PXMP4: variants seen among roughly 807,000 people sequenced by gnomAD.
PXMP4 encodes the protein 24 kDa peroxisomal intrinsic membrane protein.
A neutral mutation model predicts 21.6 loss-of-function variants in PXMP4; 16 were observed. The observed-to-expected ratio is 0.74, with a 90% CI of 0.50 to 1.13. The LOEUF is 1.13. Ranked by LOEUF, PXMP4 falls within the 50% of genes most tolerant of loss-of-function variation. PXMP4 has a pLI of 0.00. For missense variants in PXMP4, 240 were observed against 277.7 expected (o/e 0.86, Z 0.96); for synonymous variants, 127 against 123.8 (o/e 1.03, Z -0.17).
At chr20:33,708,021 T>A in intron 3 of PXMP4, 52 bp from the exon 4 acceptor site, 1 of 1,547,942 alleles carries the variant, frequency 6.5e-7, no homozygotes, top group Middle Eastern at 1.7e-4. Context: ...GATGTCCCTC[T>A]TTTGTTTTTG....
chr20:33,720,252 C>G lies in PXMP4; in HGVS notation c.-45G>C, dbSNP rs754804587. On this transcript the variant is annotated 5_prime_UTR_variant, in exon 1 of 4. Transcript: ENST00000409299. Reference sequence around the variant, plus strand: ...GTCGGGGTTAGGAACTGTAAGCGCACTGACAGCCGGAGGTTCCAGCTGCGC... The same window carrying G: ...GTCGGGGTTAGGAACTGTAAGCGCAGTGACAGCCGGAGGTTCCAGCTGCGC... 2.6e-6 allele frequency: 4 copies of G among 1,538,478 alleles called. No homozygotes were observed. Among genetic ancestry groups the G allele is most frequent in the South Asian group, 2.3e-5 (2 of 86,126 alleles).
At chr20:33,708,735 G>T (rs113821586) in intron 3 of PXMP4, among the ~76,000 whole-genome samples, 5,035 of 150,046 alleles carry the variant, frequency 0.034, 313 homozygotes, top group African/African-American at 0.12. Flanking sequence ...CTGTCACCCT[G>T]GCTGGAGTGC....
chr20:33,711,236 C>G (rs2747554), intron 2 of PXMP4, among the ~76,000 whole-genome samples: 3 of 152,058 alleles, frequency 2.0e-5, no homozygotes, highest in Admixed American at 1.3e-4. Context: ...TGCTCGCCAC[C>G]CTCAGGGGCT....
At chr20:33,708,877 T>C (rs2018292723) in intron 3 of PXMP4, among the ~76,000 whole-genome samples, 1 of 152,078 alleles carries the variant, frequency 6.6e-6, no homozygotes, top group Admixed American at 6.6e-5. Flanking sequence ...TTAATGGAAA[T>C]GGGATTACCG....
intron 3 of PXMP4, among the ~76,000 whole-genome samples, chr20:33,709,044 G>A (rs1601203049): frequency 6.6e-6 from 1 of 152,202 alleles, no homozygotes; most frequent in African/African-American, 2.4e-5. Flanking sequence ...GGCTCACGCT[G>A]CACTTTGGGA....
chr20:33,711,254 T>A (rs1311698388), intron 2 of PXMP4, among the ~76,000 whole-genome samples: 1 of 152,198 alleles, frequency 6.6e-6, no homozygotes, highest in Admixed American at 6.5e-5. Flanking sequence ...GCTTATGATC[T>A]ACTGGGAGAG....
rs776710565 is a variant in PXMP4 at position 33,707,984 on chromosome 20, T to C, written c.376-15A>G. On this transcript the variant is annotated splice_polypyrimidine_tract_variant and intron_variant, in intron 3 of 3. Coordinates refer to ENST00000409299, the MANE Select transcript of PXMP4 (RefSeq NM_007238.5). Reference sequence around the variant, plus strand: ...TACATGTTGATCTGCAAAGAGGGAATGATGGGAATTACTGGTGATCAATAG... The same window carrying C: ...TACATGTTGATCTGCAAAGAGGGAACGATGGGAATTACTGGTGATCAATAG... The C allele has an allele frequency of 6.2e-7, 1 of 1,606,652 alleles. No homozygotes were observed. Among genetic ancestry groups the C allele is most frequent in the East Asian group, 2.2e-5 (1 of 44,642 alleles).
At chr20:33,716,711 G>C (rs1346365350) in intron 1 of PXMP4, among the ~76,000 whole-genome samples, 2 of 152,154 alleles carry the variant, frequency 1.3e-5, no homozygotes, top group Non-Finnish European at 2.9e-5. Flanking sequence ...ACATGTGCTT[G>C]ATAAATAACT....
intron 3 of PXMP4, among the ~76,000 whole-genome samples, chr20:33,709,786 CTA>C (rs2018302541): frequency 7.2e-6 from 1 of 139,092 alleles, no homozygotes; most frequent in Non-Finnish European, 1.6e-5. Flanking sequence ...ACCCCCACCT[CTA>C]CACTGAACCA....
At chr20:33,718,374 G>C (rs567099135) in intron 1 of PXMP4, among the ~76,000 whole-genome samples, 1 of 151,774 alleles carries the variant, frequency 6.6e-6, no homozygotes, top group Non-Finnish European at 1.5e-5. Context: ...AGCCGGGCGT[G>C]GTGGTGGGTG....
chr20:33,711,096 C>T (rs2018321166), intron 2 of PXMP4, among the ~76,000 whole-genome samples: 1 of 152,154 alleles, frequency 6.6e-6, no homozygotes, highest in African/African-American at 2.4e-5. Flanking sequence ...GTGTCTGGAT[C>T]TGGCTTGTTC....
intron 1 of PXMP4, among the ~76,000 whole-genome samples, chr20:33,719,022 T>C (rs1376697381): frequency 6.6e-6 from 1 of 151,846 alleles, no homozygotes; most frequent in Non-Finnish European, 1.5e-5. Flanking sequence ...CAGCCTCCCA[T>C]GTAGCCGGGA....
In PXMP4 at chr20:33,714,715, G is replaced by C. The variant is rs2018366481; in HGVS notation, c.135C>G (p.Ala45=). 3 of 1,614,024 alleles carry C rather than the reference G, an allele frequency of 1.9e-6. No individual in the cohort carries two copies. Among genetic ancestry groups the C allele is most frequent in the Non-Finnish European group, 2.5e-6 (3 of 1,179,980 alleles). ...GAAAGGTCATGACCAGCGCGTGAGGGGCCCGGATTTTGGCTCCATAGCTGT... is the reference window on the plus strand; with the variant it reads ...GAAAGGTCATGACCAGCGCGTGAGGCGCCCGGATTTTGGCTCCATAGCTGT... ...NGAVYGAKIR[A]PHALVMTFLF... Residue 45 remains alanine, a synonymous_variant, in exon 2 of 4, where the codon GCC becomes GCG. Coordinates refer to ENST00000409299, the MANE Select transcript of PXMP4 (RefSeq NM_007238.5).
In PXMP4 at chr20:33,707,930, T is replaced by G; in HGVS notation, c.415A>C (p.Ser139Arg). 1 of 1,614,040 alleles carries G rather than the reference T, an allele frequency of 6.2e-7. No individual in the cohort carries two copies. The highest frequency in any genetic ancestry group is 1.1e-5 in the South Asian group (1 of 91,080). Residue 139 changes from serine (S) to arginine (R), a missense_variant, in exon 4 of 4, where the codon AGC becomes CGC. Transcript: ENST00000409299. ...TAGCCCTTCTCTACAGCCAGGCGGC[T>G]CAGGGCAAACAGGACGCGTGACAAC... ...YLLSRVLFAL[S>R]RLAVEKGYIP...
rs533660490 is a variant in PXMP4, at chr20:33,715,484, G to A, written c.114-748C>T. On this transcript the variant is annotated intron_variant, in intron 1 of 3. Coordinates refer to ENST00000409299, the MANE Select transcript of PXMP4 (RefSeq NM_007238.5). ...CTGTAGCCCAGGCTTGGAGTGCAGTGGTATGATCTTAGCTTACTGCAACCT... is the reference window on the plus strand; with the variant it reads ...CTGTAGCCCAGGCTTGGAGTGCAGTAGTATGATCTTAGCTTACTGCAACCT... 3.0e-3 allele frequency among the ~76,000 whole-genome samples: 449 copies of A among 151,218 alleles called. 3 individuals carry two copies. The highest frequency in any genetic ancestry group is 0.01 in the African/African-American group (416 of 41,104).
At chr20:33,714,534 C>G in intron 2 of PXMP4, 140 bp downstream of exon 2, 1 of 919,098 alleles carries the variant, frequency 1.1e-6, no homozygotes, top group Non-Finnish European at 1.7e-6. Context: ...ACAACAACAA[C>G]AACAACAAAA....
At chr20:33,719,917 G>A (rs1291477714) in intron 1 of PXMP4, among the ~76,000 whole-genome samples, 178 bp downstream of exon 1, 10 of 152,226 alleles carry the variant, frequency 6.6e-5, no homozygotes, top group Non-Finnish European at 1.5e-4. Flanking sequence ...GTTCAGAGCT[G>A]GGAAGGCGCG....
rs1327549627 is a variant in PXMP4, at chr20:33,702,834, G to C, written c.*4872C>G. ...GATTGTAGCAGGTGTTTAGTAAGTA[G>C]AGGTTAAACCATTCTATTTCAGGAA... On this transcript the variant is annotated 3_prime_UTR_variant, in exon 4 of 4. Coordinates refer to ENST00000409299, the MANE Select transcript of PXMP4 (RefSeq NM_007238.5). The C allele has an allele frequency of 2.6e-5, 4 of 152,164 alleles. No individual in the cohort carries two copies. The highest frequency in any genetic ancestry group is 2.0e-4 in the Admixed American group (3 of 15,282). The allele number at this position is 152,164 out of a possible 1,614,324, so 9.4% of individuals were successfully genotyped here. A position where few individuals can be genotyped will look rare whatever the true frequency, so the allele number is the denominator to read the frequency against.
chr20:33,708,088 A>G (rs2018282905), intron 3 of PXMP4, 119 bp from the exon 4 acceptor site: 3 of 1,142,760 alleles, frequency 2.6e-6, no homozygotes, highest in Admixed American at 6.2e-5. Context: ...CTAGGGGTTT[A>G]TTTATTTTAA....
Sources: allele counts gnomAD v4.1 joint callset (sites outside exome capture counted in the v4.1 genomes callset), GRCh38; gene constraint gnomAD v4.1.1; transcripts MANE v1.5; gene names NCBI Gene and HGNC (gene_info 2026-07-23, HGNC 2026-07-21).